ZBTB20: variants seen among roughly 807,000 people sequenced by gnomAD.
ZBTB20 encodes zinc finger and BTB domain containing 20, also known as zinc finger and BTB domain-containing protein 20.
Under a neutral mutation model 56.9 loss-of-function variants are expected in ZBTB20, and 9 were observed. The observed-to-expected ratio is 0.16, with a 90% confidence interval of 0.10 to 0.28. The LOEUF is 0.28. ZBTB20 is among the 10% of genes least tolerant of loss of function. The pLI is 1.00. For synonymous variants in ZBTB20, 417 were observed against 420.7 expected (o/e 0.99, Z 0.11); for missense variants, 655 against 1,003.0 (o/e 0.65, Z 4.69).
intron 5 of ZBTB20, among the ~76,000 whole-genome samples, chr3:114,783,238 A>C (rs970523749): frequency 1.3e-5 from 2 of 152,220 alleles, no homozygotes; most frequent in Non-Finnish European, 2.9e-5. Context: ...ACTTAAACTC[A>C]TTACATAAAT....
At chr3:114,778,816 AT>A (rs2069837131) in intron 5 of ZBTB20, among the ~76,000 whole-genome samples, 1 of 152,192 alleles carries the variant, frequency 6.6e-6, no homozygotes, top group African/African-American at 2.4e-5. Flanking sequence ...CTACTTTCAT[AT>A]TAACACAGAG....
intron 7 of ZBTB20, chr3:114,453,494 C>A (rs2091768791): frequency 6.6e-6 from 1 of 152,162 alleles, no homozygotes; most frequent in Admixed American, 6.5e-5. Context: ...CCATAATTAA[C>A]TTTTTACCCA....
intron 2 of ZBTB20, among the ~76,000 whole-genome samples, chr3:115,044,769 T>C (rs1176661612): frequency 6.6e-6 from 1 of 152,216 alleles, no homozygotes; most frequent in Non-Finnish European, 1.5e-5. Context: ...CTACTTTCAA[T>C]CTGAACTTCA....
intron 4 of ZBTB20, among the ~76,000 whole-genome samples, chr3:114,846,445 T>A (rs902522177): frequency 6.6e-6 from 1 of 152,132 alleles, no homozygotes; most frequent in African/African-American, 2.4e-5. Context: ...CAGGGAGAAA[T>A]GAGAGCTCTC....
chr3:115,019,785 A>C (rs1211150842), intron 2 of ZBTB20, among the ~76,000 whole-genome samples: 1 of 151,386 alleles, frequency 6.6e-6, no homozygotes, highest in Non-Finnish European at 1.5e-5. Context: ...CAAAACCAAA[A>C]TAAGAGCCAA....
chr3:114,740,301 G>A (rs1255434550), intron 5 of ZBTB20, among the ~76,000 whole-genome samples: 4 of 152,132 alleles, frequency 2.6e-5, no homozygotes, highest in Admixed American at 1.3e-4. Context: ...AATAATGAAA[G>A]ACAATAGAAA....
chr3:114,355,926 T>C (rs1438604490), intron 10 of ZBTB20: 2 of 152,116 alleles, frequency 1.3e-5, no homozygotes, highest in Non-Finnish European at 2.9e-5. Context: ...CATGTGTATT[T>C]GGGGATTCTT....
chr3:114,877,553 C>T (rs897553510), intron 4 of ZBTB20, among the ~76,000 whole-genome samples: 1 of 152,144 alleles, frequency 6.6e-6, no homozygotes, highest in Non-Finnish European at 1.5e-5. Context: ...TTATTCAAGT[C>T]CAAATGTTCC....
intron 5 of ZBTB20, among the ~76,000 whole-genome samples, chr3:114,792,883 T>C (rs1380591324): frequency 3.3e-5 from 5 of 149,934 alleles, no homozygotes; most frequent in African/African-American, 9.8e-5. Flanking sequence ...TTTCTTTTTT[T>C]TTTTTTTTTT....
intron 7 of ZBTB20, among the ~76,000 whole-genome samples, chr3:114,471,123 A>G (rs542865476): frequency 5.3e-5 from 8 of 152,346 alleles, no homozygotes; most frequent in African/African-American, 1.9e-4. Flanking sequence ...ACAACACTCA[A>G]GAAAGGTTCT....
intron 7 of ZBTB20, among the ~76,000 whole-genome samples, chr3:114,415,594 C>A (rs1317875973): frequency 6.6e-6 from 1 of 151,972 alleles, no homozygotes; most frequent in African/African-American, 2.4e-5. Flanking sequence ...AATCAGATGG[C>A]CTGATATAAT....
intron 6 of ZBTB20, among the ~76,000 whole-genome samples, chr3:114,634,574 T>C (rs963292994): frequency 6.6e-6 from 1 of 152,128 alleles, no homozygotes. Flanking sequence ...GAAATACTGA[T>C]AAAACAATGT....
chr3:114,574,180 T>A (rs1460633977), intron 6 of ZBTB20, among the ~76,000 whole-genome samples: 4 of 152,140 alleles, frequency 2.6e-5, no homozygotes, highest in Admixed American at 2.6e-4. Flanking sequence ...ATTTAATAAT[T>A]TCTCGAATTT....
At chr3:114,466,165 T>C (rs2092542605) in intron 7 of ZBTB20, among the ~76,000 whole-genome samples, 1 of 152,172 alleles carries the variant, frequency 6.6e-6, no homozygotes, top group South Asian at 2.1e-4. Context: ...GTATACTTAA[T>C]ATATGAGTAC....
At chr3:114,668,032 G>C (rs772269199) in intron 6 of ZBTB20, among the ~76,000 whole-genome samples, 171 of 152,072 alleles carry the variant, frequency 1.1e-3, no homozygotes, top group Non-Finnish European at 2.1e-3. Context: ...TGTGTACTAT[G>C]ATTATAACAT....
intron 1 of ZBTB20, among the ~76,000 whole-genome samples, chr3:115,073,830 T>TTGTA (rs2082499851): frequency 1.7e-4 from 1 of 5,774 alleles, no homozygotes; most frequent in Non-Finnish European, 2.5e-3. Flanking sequence ...AACTTAATTC[T>TTGTA]AGTAAACTAA....
chr3:115,022,416 C>T (rs1305343263), intron 2 of ZBTB20, among the ~76,000 whole-genome samples: 4 of 150,920 alleles, frequency 2.7e-5, no homozygotes, highest in Non-Finnish European at 4.5e-5. Context: ...GCACAATGTG[C>T]GAACAATGTT....
Position 114,485,557 on chromosome 3 carries a change from T to C in ZBTB20, c.-255+14795A>G, listed in dbSNP as rs574354252. ...ATTTTATTACAACGGTCAAAAATTA[T>C]GGATTCATTTCTTATTAGATTATAT... On this transcript the variant is annotated intron_variant, in intron 7 of 11. Transcript: ENST00000675478. Among the ~76,000 whole-genome samples, 12 of 152,338 alleles carry C rather than the reference T, an allele frequency of 7.9e-5. No individual in the cohort carries two copies. The East Asian group carries it at 2.3e-3, about 29-fold the overall frequency.
At chr3:115,115,280 T>G (rs1014415986) in intron 1 of ZBTB20, among the ~76,000 whole-genome samples, 2 of 152,200 alleles carry the variant, frequency 1.3e-5, no homozygotes, top group African/African-American at 4.8e-5. Context: ...TTTTTTCTAT[T>G]CCATTCAAAT....
Sources: allele counts gnomAD v4.1 joint callset (sites outside exome capture counted in the v4.1 genomes callset), GRCh38; gene constraint gnomAD v4.1.1; transcripts MANE v1.5; gene names NCBI Gene and HGNC (gene_info 2026-07-23, HGNC 2026-07-21).